The following SRRM4 variants were observed in gnomAD, a reference collection of about 807,000 sequenced individuals.
SRRM4 encodes the protein serine/arginine repetitive matrix 4.
Under a neutral mutation model 68.9 loss-of-function variants are expected in SRRM4, and 33 were observed. That is an observed-to-expected ratio of 0.48 (90% CI 0.36 to 0.64). The LOEUF (loss-of-function observed/expected upper bound fraction) is 0.64. SRRM4 is among the 30% of genes least tolerant of loss of function. The probability of loss-of-function intolerance (pLI) is 0.00; values close to 1 mark genes in which losing one functional copy is unlikely to be tolerated. For missense variants in SRRM4, 817 were observed against 827.1 expected, an observed-to-expected ratio of 0.99 and a Z score of 0.15; for synonymous variants, 318 against 318.8, an observed-to-expected ratio of 1.00 and a Z score of 0.03.
At chr12:119,139,521 GT>G (rs368937721) in intron 8 of SRRM4, among the ~76,000 whole-genome samples, 94 of 152,338 alleles carry the variant, frequency 6.2e-4, no homozygotes, top group African/African-American at 2.2e-3. Context: ...ATCAAGATTT[GT>G]AAAGACAATA....
At chr12:119,042,070 C>T (rs1405829955) in intron 1 of SRRM4, among the ~76,000 whole-genome samples, 3 of 152,136 alleles carry the variant, frequency 2.0e-5, no homozygotes, top group Admixed American at 6.5e-5. Flanking sequence ...GCCTTCATTT[C>T]GCGGATGACA....
At chr12:119,003,591 A>T (rs993868230) in intron 1 of SRRM4, among the ~76,000 whole-genome samples, 1 of 151,948 alleles carries the variant, frequency 6.6e-6, no homozygotes, top group Non-Finnish European at 1.5e-5. Flanking sequence ...CCAGATAGAG[A>T]TAACTACACA....
chr12:119,029,922 G>T (rs1040439697), intron 1 of SRRM4, among the ~76,000 whole-genome samples: 2 of 152,068 alleles, frequency 1.3e-5, no homozygotes, highest in Non-Finnish European at 2.9e-5. Flanking sequence ...TCTCAGTGAG[G>T]ATGACCTTCC....
At chr12:119,060,332 G>A (rs1321328738) in intron 1 of SRRM4, among the ~76,000 whole-genome samples, 1 of 150,556 alleles carries the variant, frequency 6.6e-6, no homozygotes, top group East Asian at 2.0e-4. Context: ...GATCCAAAGT[G>A]GAAATGTCTA....
intron 8 of SRRM4, among the ~76,000 whole-genome samples, chr12:119,136,868 T>A (rs1346067863): frequency 2.0e-5 from 3 of 152,118 alleles, no homozygotes; most frequent in African/African-American, 7.2e-5. Context: ...CACCTCTGCC[T>A]ACCAAAGGTT....
intron 2 of SRRM4, among the ~76,000 whole-genome samples, 151 bp downstream of exon 2, chr12:119,102,533 AT>A (rs1296672303): frequency 2.0e-5 from 3 of 152,232 alleles, no homozygotes; most frequent in South Asian, 2.1e-4. Context: ...AATCAGAAAT[AT>A]TTTAAGTTTG....
chr12:119,049,922 G>A (rs374628373), intron 1 of SRRM4, among the ~76,000 whole-genome samples: 10 of 152,188 alleles, frequency 6.6e-5, no homozygotes, highest in East Asian at 1.9e-4. Context: ...ATTTTCAAAC[G>A]CAATCACATT....
intron 8 of SRRM4, among the ~76,000 whole-genome samples, chr12:119,138,092 G>C (rs958944183): frequency 6.6e-6 from 1 of 152,150 alleles, no homozygotes; most frequent in African/African-American, 2.4e-5. Context: ...GGTCCGGAGA[G>C]CTCATGCCCC....
chr12:118,993,336 C>T (rs974250776), intron 1 of SRRM4, among the ~76,000 whole-genome samples: 5 of 152,240 alleles, frequency 3.3e-5, no homozygotes, highest in African/African-American at 1.2e-4. Context: ...ATTCTGTTCA[C>T]CCACAGAGTG....
At chr12:118,988,153 C>T (rs1418601874) in intron 1 of SRRM4, among the ~76,000 whole-genome samples, 4 of 151,638 alleles carry the variant, frequency 2.6e-5, no homozygotes, top group African/African-American at 4.8e-5. Flanking sequence ...AAGGGAGAGA[C>T]CCTTAATGAA....
In SRRM4 at chr12:119,122,091, A is replaced by G. The variant is rs1280725901; in HGVS notation, c.486A>G (p.Lys162=). The change falls in exon 6 of 13, where the codon AAA becomes AAG. Residue 162 remains lysine, a synonymous_variant. Transcript: ENST00000267260. ...TTAGCTCCTCTAGCCCAAAAAGCAA[A>G]AGAAGAGATGAGAAGAGGCACAAGA... is the stretch of plus-strand genomic sequence containing the variant. ...RRHSSSSPKS[K]RRDEKRHKKQ... 2.5e-6 allele frequency: 4 copies of G among 1,611,792 alleles called. No homozygotes were observed. The highest frequency in any genetic ancestry group is 1.1e-5 in the South Asian group (1 of 91,028).
intron 1 of SRRM4, among the ~76,000 whole-genome samples, chr12:119,097,327 C>T (rs1032263637): frequency 6.6e-6 from 1 of 152,218 alleles, no homozygotes; most frequent in Non-Finnish European, 1.5e-5. Context: ...AGACTCTTTA[C>T]TTGTACCTCT....
At chr12:119,064,129 T>C (rs1338838876) in intron 1 of SRRM4, among the ~76,000 whole-genome samples, 1 of 152,210 alleles carries the variant, frequency 6.6e-6, no homozygotes, top group African/African-American at 2.4e-5. Context: ...CAAATAGGAA[T>C]GAATAATCCA....
chr12:119,061,331 G>A (rs1218345073), intron 1 of SRRM4, among the ~76,000 whole-genome samples: 1 of 152,188 alleles, frequency 6.6e-6, no homozygotes. Context: ...GTGCACTTGG[G>A]TGTGTTGGCA....
intron 1 of SRRM4, among the ~76,000 whole-genome samples, chr12:118,983,931 T>C (rs1208540109): frequency 6.6e-6 from 1 of 152,196 alleles, no homozygotes; most frequent in African/African-American, 2.4e-5. Context: ...ATTTCACTCT[T>C]GGTGCCTTTT....
chr12:119,092,886 T>C (rs1181920098), intron 1 of SRRM4, among the ~76,000 whole-genome samples: 3 of 151,734 alleles, frequency 2.0e-5, no homozygotes, highest in African/African-American at 7.3e-5. Context: ...CCTCATTACC[T>C]CTCTGACTTT....
At chr12:118,982,631 C>A (rs1008751893) in intron 1 of SRRM4, among the ~76,000 whole-genome samples, 16 of 150,842 alleles carry the variant, frequency 1.1e-4, no homozygotes, top group African/African-American at 3.9e-4. Flanking sequence ...GAGGAGCCTT[C>A]CAAGATCGTG....
intron 1 of SRRM4, among the ~76,000 whole-genome samples, chr12:119,044,110 A>ACCCGCCTCGGCCTC (rs1239010938): frequency 6.6e-6 from 1 of 151,978 alleles, no homozygotes; most frequent in East Asian, 1.9e-4. Flanking sequence ...CAGGTAATCC[A>ACCCGCCTCGGCCTC]CACGCCTCGG....
At chr12:119,125,747 C>G (rs1331152019) in intron 7 of SRRM4, among the ~76,000 whole-genome samples, 1 of 152,010 alleles carries the variant, frequency 6.6e-6, no homozygotes, top group Non-Finnish European at 1.5e-5. Context: ...TGGTGAAACC[C>G]TGTCTCTACT....
Sources: allele counts gnomAD v4.1 joint callset (sites outside exome capture counted in the v4.1 genomes callset), GRCh38; gene constraint gnomAD v4.1.1; transcripts MANE v1.5; gene names NCBI Gene and HGNC (gene_info 2026-07-23, HGNC 2026-07-21).